EPHA6: variants seen among roughly 807,000 people sequenced by gnomAD.
EPHA6 encodes ephrin type-A receptor 6.
Under a neutral mutation model 112.0 loss-of-function variants are expected in EPHA6, and 50 were observed. That is an observed-to-expected ratio of 0.45 (90% CI 0.36 to 0.56). The LOEUF (loss-of-function observed/expected upper bound fraction) is 0.56, where lower values mean the gene tolerates loss of function less well. EPHA6 is among the 20% of genes least tolerant of loss of function. EPHA6 has a pLI of 0.00. For missense variants in EPHA6, 1,280 were observed against 1,417.4 expected (o/e 0.90, Z 1.56); for synonymous variants, 529 against 490.7 (o/e 1.08, Z -1.03).
intron 3 of EPHA6, among the ~76,000 whole-genome samples, chr3:97,172,061 A>G (rs1374215403): frequency 6.6e-6 from 1 of 152,028 alleles, no homozygotes; most frequent in Non-Finnish European, 1.5e-5. Flanking sequence ...TTTTAATGAA[A>G]TGATGAGGGG....
intron 3 of EPHA6, among the ~76,000 whole-genome samples, chr3:97,213,997 C>CTGTGTGTGTGTGTGTGTGTGTGTGTG (rs10557927): frequency 3.1e-5 from 4 of 128,868 alleles, no homozygotes; most frequent in African/African-American, 1.3e-4. Flanking sequence ...CTCATGTGTT[C>CTGTGTGTGTGTGTGTGTGTGTGTGTG]TGTGTGTGTG....
intron 11 of EPHA6, among the ~76,000 whole-genome samples, chr3:97,540,406 A>G (rs1025759120): frequency 6.6e-6 from 1 of 152,198 alleles, no homozygotes; most frequent in Non-Finnish European, 1.5e-5. Context: ...AGGTCTAGGG[A>G]TAATTGGAAT....
Position 97,646,459 on chromosome 3 carries a change from A to G in EPHA6, c.2784+8377A>G, listed in dbSNP as rs1337288285. The stretch of plus-strand genomic sequence containing the variant: ...TTCTAATATTTTCTTCTTCAACTTG[A>G]GTGTTTTGCATGCCGTGCTCTAGGT... On this transcript the variant is annotated intron_variant, in intron 14 of 17. Transcript: ENST00000389672. 4 of 627,468 alleles carry G rather than the reference A, an allele frequency of 6.4e-6. No individual in the cohort carries two copies. The East Asian group carries it at 1.2e-4, about 20-fold the overall frequency. The allele number at this position is 627,468 out of a possible 1,614,324, so 38.9% of individuals were successfully genotyped here.
chr3:97,240,192 C>G (rs2078802946), intron 4 of EPHA6, among the ~76,000 whole-genome samples: 2 of 151,760 alleles, frequency 1.3e-5, no homozygotes, highest in African/African-American at 4.8e-5. Flanking sequence ...GTATCAATAT[C>G]ATATCAGTGA....
intron 14 of EPHA6, chr3:97,648,255 C>T (rs751835144): frequency 7.2e-6 from 6 of 830,286 alleles, no homozygotes; most frequent in South Asian, 7.1e-5. Context: ...GTTCTGTTAA[C>T]ATCTTAATTC....
intron 3 of EPHA6, among the ~76,000 whole-genome samples, chr3:97,186,993 A>G (rs1394146497): frequency 6.6e-6 from 1 of 152,168 alleles, no homozygotes; most frequent in African/African-American, 2.4e-5. Flanking sequence ...ACCTTAAAAA[A>G]ATTGTTATAG....
intron 12 of EPHA6, among the ~76,000 whole-genome samples, chr3:97,595,340 G>A (rs760585002): frequency 2.6e-5 from 4 of 152,128 alleles, no homozygotes; most frequent in Non-Finnish European, 5.9e-5. Flanking sequence ...AGTAGTCACC[G>A]ATACAGGAAG....
chr3:97,485,547 T>A (rs1380623817), intron 10 of EPHA6, among the ~76,000 whole-genome samples: 1 of 152,100 alleles, frequency 6.6e-6, no homozygotes, highest in East Asian at 1.9e-4. Context: ...CATGGCTGGG[T>A]CTCCCTCTGA....
chr3:97,233,389 G>T (rs1198591022), intron 4 of EPHA6, among the ~76,000 whole-genome samples: 3 of 151,316 alleles, frequency 2.0e-5, no homozygotes, highest in African/African-American at 7.3e-5. Flanking sequence ...TGTTGGGGAA[G>T]AAGATCAGAA....
intron 10 of EPHA6, among the ~76,000 whole-genome samples, chr3:97,522,625 T>C (rs2092561470): frequency 6.6e-6 from 1 of 152,198 alleles, no homozygotes; most frequent in Non-Finnish European, 1.5e-5. Context: ...TTGGTATTTA[T>C]TTCTTATTTA....
chr3:97,609,434 A>C (rs535577615), intron 12 of EPHA6, among the ~76,000 whole-genome samples: 2 of 151,404 alleles, frequency 1.3e-5, no homozygotes, highest in Non-Finnish European at 3.0e-5. Context: ...GAGTGCTGAC[A>C]GTTCAGTTGA....
chr3:97,327,596 T>C (rs957146457), intron 5 of EPHA6, among the ~76,000 whole-genome samples: 6 of 151,892 alleles, frequency 4.0e-5, no homozygotes, highest in Non-Finnish European at 7.4e-5. Flanking sequence ...TCCCCCCACG[T>C]TGCTTTTTAA....
chr3:97,187,714 A>AAAGAAAG (rs1409582035), intron 3 of EPHA6, among the ~76,000 whole-genome samples: 11 of 150,514 alleles, frequency 7.3e-5, no homozygotes, highest in Admixed American at 3.3e-4. Flanking sequence ...AGAAAGAAAG[A>AAAGAAAG]AAGAAAGAAA....
At chr3:97,498,900 C>T (rs2092049383) in intron 10 of EPHA6, among the ~76,000 whole-genome samples, 2 of 152,300 alleles carry the variant, frequency 1.3e-5, no homozygotes, top group Middle Eastern at 3.4e-3. Context: ...AAACCAGTTG[C>T]TCATGCCAAA....
At chr3:97,299,931 G>A (rs531373744) in intron 5 of EPHA6, among the ~76,000 whole-genome samples, 7 of 152,184 alleles carry the variant, frequency 4.6e-5, no homozygotes, top group Admixed American at 3.9e-4. Flanking sequence ...ATAATAGATT[G>A]CATACCGTTG....
chr3:96,894,858 C>T lies in EPHA6; in HGVS notation c.450+27969C>T, dbSNP rs1428968722. 2.0e-5 allele frequency among the ~76,000 whole-genome samples: 3 copies of T among 152,138 alleles called. No individual in the cohort carries two copies. In the East Asian group the frequency reaches 5.8e-4, roughly 29 times the overall value. ...TGCAGGAAAAGAAAAAGGAGAACCC[C>T]CAGAAAATTCACAAGTGTTTAGTAG... On this transcript the variant is annotated intron_variant, in intron 2 of 17. Transcript: ENST00000389672.
At chr3:97,273,891 G>A (rs2108646814) in intron 5 of EPHA6, among the ~76,000 whole-genome samples, 1 of 152,258 alleles carries the variant, frequency 6.6e-6, no homozygotes, top group East Asian at 1.9e-4. Context: ...CAGACTAAGA[G>A]GTATTTTAGT....
In EPHA6 at chr3:97,747,601, C is replaced by G. The variant is rs180902521; in HGVS notation, c.3278+29C>G. The G allele has an allele frequency of 4.5e-6, 7 of 1,550,320 alleles. No homozygotes were observed. The African/African-American group carries it at 9.7e-5, about 22-fold the overall frequency. On this transcript the variant is annotated intron_variant, in intron 17 of 17. Transcript: ENST00000389672. ...AGTGATACTAGGTTTATTACTGTAA[C>G]GAGATGTCCTGCTGGGGATTATAAG...
At chr3:97,179,986 G>A (rs2076944834) in intron 3 of EPHA6, among the ~76,000 whole-genome samples, 1 of 152,052 alleles carries the variant, frequency 6.6e-6, no homozygotes, top group South Asian at 2.1e-4. Context: ...AGGTTGGCAA[G>A]GTCCCCCAAA....
Sources: gnomAD v4.1 joint callset for allele counts (sites outside exome capture counted in the v4.1 genomes callset) on GRCh38, gnomAD v4.1.1 for gene constraint, MANE v1.5 for transcripts, NCBI Gene and HGNC (gene_info 2026-07-23, HGNC 2026-07-21) for gene names.